The following PGAP6 variants were observed in gnomAD, a reference collection of about 807,000 sequenced individuals.
PGAP6 encodes the protein post-GPI attachment to proteins factor 6.
Under a neutral mutation model 68.4 loss-of-function variants are expected in PGAP6, and 62 were observed. The ratio of observed to expected loss-of-function variants is 0.91; its 90% CI spans 0.74 to 1.12. The LOEUF (loss-of-function observed/expected upper bound fraction) is 1.12. PGAP6 is among the 50% of genes most tolerant of loss of function. The probability of loss-of-function intolerance (pLI) is 0.00; values close to 1 mark genes in which losing one functional copy is unlikely to be tolerated. For missense variants in PGAP6, 1,188 were observed against 1,068.5 expected, an observed-to-expected ratio of 1.11 and a Z score of -1.56; for synonymous variants, 575 against 474.0, an observed-to-expected ratio of 1.21 and a Z score of -2.77.
At chr16:382,080 G>A, upstream of PGAP6, 1 of 347,628 alleles carries the variant, frequency 2.9e-6, no homozygotes, top group South Asian at 1.5e-4. Context: ...GGGGTCACGT[G>A]GGGCGCCGGT....
In PGAP6 at chr16:374,319, G is replaced by A. The variant is rs773591841; in HGVS notation, c.1657C>T (p.Leu553Phe). 3.1e-6 allele frequency: 5 copies of A among 1,605,322 alleles called. No homozygotes were observed. Among genetic ancestry groups the A allele is most frequent in the Non-Finnish European group, 4.2e-6 (5 of 1,179,754 alleles). The change falls in exon 10 of 13, where the codon CTC becomes TTC. Residue 553 changes from leucine (L) to phenylalanine (F), a missense_variant. Coordinates refer to ENST00000431232, the MANE Select transcript of PGAP6 (RefSeq NM_021259.3). ...QQRAATLLLT[L>F]SNLMFLAPIA... ...GGGGCCAGGAACATGAGGTTGCTGAGCGTGAGCAGCAGTGTGGCCGCCCTC... is the reference window on the plus strand; with the variant it reads ...GGGGCCAGGAACATGAGGTTGCTGAACGTGAGCAGCAGTGTGGCCGCCCTC...
chr16:382,386 C>G (rs1305464923), upstream of PGAP6: 1 of 377,800 alleles, frequency 2.6e-6, no homozygotes, highest in African/African-American at 2.1e-5. Context: ...AACCCGCGCC[C>G]TGCCCTGCCC....
At chr16:373,884 G>C in intron 11 of PGAP6, 121 bp downstream of exon 11, 1 of 1,252,366 alleles carries the variant, frequency 8.0e-7, no homozygotes, top group Non-Finnish European at 1.1e-6. Flanking sequence ...GCCGAGATGT[G>C]AGGTTTCCAG....
chr16:376,720 A>G lies in PGAP6; in HGVS notation c.728T>C (p.Val243Ala), dbSNP rs774975652. Residue 243 changes from valine to alanine, a missense_variant, in exon 5 of 13, where the codon GTG becomes GCG. Transcript: ENST00000431232. ...GTTGCTAGGCAGGGTGACCGGGCCC[A>G]CGGTGAGACGCACGGGGCAGCCCAG... ...GSLGCPVRLT[V>A]GPVTLPSNFQ... is the part of the protein sequence containing the mutation. 2.2e-4 allele frequency: 352 copies of G among 1,611,678 alleles called. No individual in the cohort carries two copies. The highest frequency in any genetic ancestry group is 2.9e-4 in the Non-Finnish European group (340 of 1,179,856).
At chr16:378,422 A>G (rs4991328) in intron 1 of PGAP6, among the ~76,000 whole-genome samples, 419 of 1,520 alleles carry the variant, frequency 0.28, 33 homozygotes, top group African/African-American at 0.36. Flanking sequence ...ATCGCCACCC[A>G]CACTGCCATC....
chr16:381,751 A>G lies in PGAP6; in HGVS notation c.71T>C (p.Leu24Pro). The change falls in exon 1 of 13, where the codon CTG (leucine) becomes CCG (proline). Residue 24 changes from leucine (L) to proline (P), a missense_variant. Transcript: ENST00000431232. ...GGCAGGCGGGGGCCGGGCAAGCAGC[A>G]GCAGCAGCAGCGGCCCCGCCACCAC... is the stretch of plus-strand genomic sequence containing the variant. Reference protein sequence around the residue: ...AAVVAGPLLLLLLARPPPASA... With the variant: ...AAVVAGPLLLPLLARPPPASA... 1 of 1,209,638 alleles carries G rather than the reference A, an allele frequency of 8.3e-7. No homozygotes were observed. The allele number at this position is 1,209,638 out of a possible 1,614,324, so 74.9% of individuals were successfully genotyped here.
chr16:381,693 C>T lies in PGAP6; in HGVS notation c.121+8G>A, dbSNP rs1036535941. Reference sequence around the variant, plus strand: ...ACGCCCCCGATGGCGCCCGCGCCTCCCGCTCACCGCTCTTCCCGCTGTAGC... The same window carrying T: ...ACGCCCCCGATGGCGCCCGCGCCTCTCGCTCACCGCTCTTCCCGCTGTAGC... On this transcript the variant is annotated splice_region_variant and intron_variant, in intron 1 of 12. Transcript: ENST00000431232. 14 of 1,206,292 alleles carry T rather than the reference C, an allele frequency of 1.2e-5. No individual in the cohort carries two copies. In the South Asian group the frequency reaches 3.4e-4, roughly 29 times the overall value. The allele number at this position is 1,206,292 out of a possible 1,614,324, so 74.7% of individuals were successfully genotyped here. A position where few individuals can be genotyped will look rare whatever the true frequency, so the allele number is the denominator to read the frequency against.
chr16:375,275 G>A lies in PGAP6; in HGVS notation c.1316-19C>T, dbSNP rs1181617815. 6.2e-7 allele frequency: 1 copy of A among 1,612,690 alleles called. No homozygotes were observed. The highest frequency in any genetic ancestry group is 8.5e-7 in the Non-Finnish European group (1 of 1,179,920). On this transcript the variant is annotated intron_variant, in intron 7 of 12. Transcript: ENST00000431232. ...AAGAAGGCTGCAGGGGAGCCAGAGGGCCCCATCAGAGGAGGCCGGGGCGGG... is the reference window on the plus strand; with the variant it reads ...AAGAAGGCTGCAGGGGAGCCAGAGGACCCCATCAGAGGAGGCCGGGGCGGG...
At position 376,702 on chromosome 16, in the gene PGAP6, G is replaced by A. The variant is rs985033539; in HGVS notation, c.746C>T (p.Pro249Leu). ...VRLTVGPVTL[P>L]SNFQKVLTCT... ...GGTGAGCACCTTCTGGAAGTTGCTA[G>A]GCAGGGTGACCGGGCCCACGGTGAG... The change falls in exon 5 of 13, where the codon CCT becomes CTT. Residue 249 changes from proline to leucine, a missense_variant. Pro to Leu is a moderately conservative substitution (Grantham distance 98). Transcript: ENST00000431232. 1 of 1,611,592 alleles carries A rather than the reference G, an allele frequency of 6.2e-7. No individual in the cohort carries two copies.
In PGAP6 at chr16:376,660, CA is replaced by C. The variant is rs1197648290; in HGVS notation, c.787del (p.Trp263GlyfsTer18). The C allele has an allele frequency of 4.3e-6, 7 of 1,609,638 alleles. No individual in the cohort carries two copies. The highest frequency in any genetic ancestry group is 1.3e-5 in the African/African-American group (1 of 74,876). On this transcript the variant is annotated frameshift_variant, in exon 5 of 13. Transcript: ENST00000431232. LOFTEE classifies it high-confidence loss of function. ...TGAGGGCAGCAGCAGGCGGCAGGGCCAGGGGGCACCGGTGCAGGTGAGCACC... is the reference window on the plus strand; with the variant it reads ...TGAGGGCAGCAGCAGGCGGCAGGGCCGGGGGCACCGGTGCAGGTGAGCACC... The part of the protein sequence containing the change: ...QKVLTCTGAP[W>X]PCRLLLPSPP...
chr16:376,268 C>T lies in PGAP6; in HGVS notation c.1092G>A (p.Val364=), dbSNP rs1402448396. 3.1e-6 allele frequency: 5 copies of T among 1,612,770 alleles called. No homozygotes were observed. The highest frequency in any genetic ancestry group is 4.2e-6 in the Non-Finnish European group (5 of 1,180,018). ...TGTCCAGGGGCTGGAAGTGCACCGA[C>T]ACCACGTCCATGTCCTCCCGCGTGA... ...YPVTREDMDV[V]SVHFQPLDRV... is the part of the protein sequence containing the mutation. The change falls in exon 6 of 13, where the codon GTG becomes GTA. Residue 364 remains valine (V), a synonymous_variant. Transcript: ENST00000431232.
chr16:376,939 C>T (rs2054389829), intron 4 of PGAP6, 98 bp downstream of exon 4: 24 of 1,565,260 alleles, frequency 1.5e-5, no homozygotes, highest in Non-Finnish European at 2.1e-5. Flanking sequence ...CTTCCCAGCC[C>T]AACCCCAGGA....
At chr16:378,837 C>T (rs1447247826) in intron 1 of PGAP6, among the ~76,000 whole-genome samples, 2 of 152,252 alleles carry the variant, frequency 1.3e-5, no homozygotes, top group African/African-American at 4.8e-5. Flanking sequence ...GACAGCTGCC[C>T]TCTGCGTTCC....
Position 374,901 on chromosome 16 carries a change from A to G in PGAP6, c.1440-9T>C. 1 of 1,612,620 alleles carries G rather than the reference A, an allele frequency of 6.2e-7. No homozygotes were observed. The highest frequency in any genetic ancestry group is 8.5e-7 in the Non-Finnish European group (1 of 1,179,836). On this transcript the variant is annotated splice_polypyrimidine_tract_variant and intron_variant, in intron 8 of 12. Transcript: ENST00000431232. Reference sequence around the variant, plus strand: ...CAGCCTGCTCACAGTCCCTTTGAGGAAGGGGCCACAGGAAAGCTGGTGCAG... The same window carrying G: ...CAGCCTGCTCACAGTCCCTTTGAGGGAGGGGCCACAGGAAAGCTGGTGCAG...
Position 381,703 on chromosome 16 carries a change from C to T in PGAP6, c.119G>A (p.Ser40Asn). The change falls in exon 1 of 13, where the codon AGC becomes AAC. Residue 40 changes from serine to asparagine, a missense_variant and splice_region_variant. Physicochemically the swap from Ser to Asn is conservative, Grantham distance 46 (BLOSUM62 1). Transcript: ENST00000431232. ...TGGCGCCCGCGCCTCCCGCTCACCGCTCTTCCCGCTGTAGCCGGCGGAGGC... is the reference window on the plus strand; with the variant it reads ...TGGCGCCCGCGCCTCCCGCTCACCGTTCTTCCCGCTGTAGCCGGCGGAGGC... ...PPASAGYSGKSEVGLVSEHFS... is the reference protein window; with the variant it reads ...PPASAGYSGKNEVGLVSEHFS... 3 of 1,210,898 alleles carry T rather than the reference C, an allele frequency of 2.5e-6. No individual in the cohort carries two copies. The highest frequency in any genetic ancestry group is 3.1e-6 in the Non-Finnish European group (3 of 973,774). The allele number at this position is 1,210,898 out of a possible 1,614,324, so 75.0% of individuals were successfully genotyped here. A position where few individuals can be genotyped will look rare whatever the true frequency, so the allele number is the denominator to read the frequency against.
intron 11 of PGAP6, among the ~76,000 whole-genome samples, chr16:373,483 G>A (rs1386638623): frequency 6.6e-6 from 1 of 152,178 alleles, no homozygotes; most frequent in East Asian, 1.9e-4. Context: ...CCAAACAGCT[G>A]GCACTGCCCC....
At position 370,862 on chromosome 16, in the gene PGAP6, T is replaced by G. The variant is rs1360237660; in HGVS notation, c.*1125A>C. The G allele has an allele frequency of 2.0e-5, 3 of 152,464 alleles. No homozygotes were observed. The highest frequency in any genetic ancestry group is 7.2e-5 in the African/African-American group (3 of 41,462). 9.4% of individuals were successfully genotyped at this position (152,464 alleles called of 1,614,324 possible). On this transcript the variant is annotated 3_prime_UTR_variant, in exon 13 of 13. Transcript: ENST00000431232. ...GATCAGATCTACATAAAAATATGTC[T>G]TAATATCTTAGAATTTTCCTTTACT...
intron 1 of PGAP6, 65 bp downstream of exon 1, chr16:381,636 C>G (rs1228816047): frequency 1.8e-6 from 2 of 1,139,726 alleles, no homozygotes; most frequent in Non-Finnish European, 2.2e-6. Flanking sequence ...CCCGGGGTGT[C>G]ACAATCCCGC....
At position 378,423 on chromosome 16, in the gene PGAP6, C is replaced by G. The variant is rs1326328399; in HGVS notation, c.122-575G>C. Among the ~76,000 whole-genome samples the G allele has an allele frequency of 5.3e-4, 39 of 73,078 alleles. 1 individual carries two copies. Among genetic ancestry groups the G allele is most frequent in the East Asian group, 1.1e-3 (3 of 2,654 alleles). 47.9% of individuals were successfully genotyped at this position (73,078 alleles called of 152,430 possible). ...CCACCCGCACTGCCATCGCCACCCACACTGCCATCCCCACCCGCACTGCCA... is the reference window on the plus strand; with the variant it reads ...CCACCCGCACTGCCATCGCCACCCAGACTGCCATCCCCACCCGCACTGCCA... On this transcript the variant is annotated intron_variant, in intron 1 of 12. Transcript: ENST00000431232.
Sources: gnomAD v4.1 joint callset for allele counts (sites outside exome capture counted in the v4.1 genomes callset) on GRCh38, gnomAD v4.1.1 for gene constraint, MANE v1.5 for transcripts, NCBI Gene and HGNC (gene_info 2026-07-23, HGNC 2026-07-21) for gene names.